Variants in MIA2 observed in about 807,000 individuals in gnomAD.
MIA2 encodes the protein melanoma inhibitory activity protein 2.
In MIA2, 127 loss-of-function variants were observed where a neutral mutation model predicts 167.8. The ratio of observed to expected loss-of-function variants is 0.76; its 90% CI spans 0.66 to 0.88. MIA2 has a LOEUF of 0.88. Among genes scored for constraint, MIA2 ranks in the 40% least tolerant of loss-of-function variants. MIA2 has a pLI of 0.00. For synonymous variants in MIA2, 552 were observed against 541.9 expected, an observed-to-expected ratio of 1.02 and a Z score of -0.26; for missense variants, 1,690 against 1,624.7, an observed-to-expected ratio of 1.04 and a Z score of -0.69.
Position 39,247,148 on chromosome 14 carries a change from G to C in MIA2, c.574G>C (p.Glu192Gln), listed in dbSNP as rs1304964046. The C allele has an allele frequency of 1.2e-6, 2 of 1,613,956 alleles. No individual in the cohort carries two copies. Among genetic ancestry groups the C allele is most frequent in the Non-Finnish European group, 1.7e-6 (2 of 1,180,020 alleles). Residue 192 changes from glutamate (E) to glutamine (Q), a missense_variant, in exon 4 of 29, where the codon GAA (glutamate) becomes CAA (glutamine). By Grantham distance (29) the Glu-to-Gln change is conservative. Coordinates refer to ENST00000640607, the MANE Select transcript of MIA2 (RefSeq NM_001329214.4). ...EAPEDIGSTSESKDWEEVVVE... is the reference protein window; with the variant it reads ...EAPEDIGSTSQSKDWEEVVVE... ...TCCTGAAGATATCGGAAGTACCAGT[G>C]AATCAAAAGACTGGGAAGAAGTAGT...
At chr14:39,341,099 C>G (rs775079128) in intron 25 of MIA2, among the ~76,000 whole-genome samples, 1 of 151,978 alleles carries the variant, frequency 6.6e-6, no homozygotes, top group Non-Finnish European at 1.5e-5. Context: ...GTCAGAAGTT[C>G]AAGACCAACC....
At chr14:39,349,862 A>G (rs1008888416) in intron 28 of MIA2, among the ~76,000 whole-genome samples, 6 of 152,170 alleles carry the variant, frequency 3.9e-5, no homozygotes, top group Non-Finnish European at 7.3e-5. Flanking sequence ...TTTAAAAAAC[A>G]GGTGTTAAGA....
At chr14:39,246,141 A>G (rs565569183) in intron 3 of MIA2, among the ~76,000 whole-genome samples, 1 of 144,478 alleles carries the variant, frequency 6.9e-6, no homozygotes, top group African/African-American at 2.6e-5. Flanking sequence ...CTGTCACCCA[A>G]GCTGAAATGC....
At chr14:39,323,512 T>A (rs1415752326) in intron 24 of MIA2, among the ~76,000 whole-genome samples, 1 of 151,714 alleles carries the variant, frequency 6.6e-6, no homozygotes, top group South Asian at 2.1e-4. Flanking sequence ...CATGTCATAT[T>A]GTACACTAAC....
At chr14:39,322,141 G>A (rs906209889) in intron 24 of MIA2, among the ~76,000 whole-genome samples, 5 of 152,094 alleles carry the variant, frequency 3.3e-5, no homozygotes, top group Admixed American at 2.0e-4. Context: ...TCTTTTTATT[G>A]TAGAAAATTA....
chr14:39,268,698 A>T (rs2056515891), intron 6 of MIA2, among the ~76,000 whole-genome samples: 1 of 152,212 alleles, frequency 6.6e-6, no homozygotes, highest in Non-Finnish European at 1.5e-5. Context: ...TAGCATGTAG[A>T]TTAGATGTTA....
chr14:39,379,649 C>T (rs1209539966), intron 23 of MIA2, among the ~76,000 whole-genome samples: 5 of 151,914 alleles, frequency 3.3e-5, no homozygotes, highest in Admixed American at 6.6e-5. Flanking sequence ...GTCAGGAGTT[C>T]GAGACCAGTC....
intron 6 of MIA2, among the ~76,000 whole-genome samples, chr14:39,255,282 C>G (rs1191867344): frequency 6.6e-6 from 1 of 152,052 alleles, no homozygotes; most frequent in Non-Finnish European, 1.5e-5. Context: ...CCAAAGTGGG[C>G]CGATCAGTTG....
intron 23 of MIA2, among the ~76,000 whole-genome samples, chr14:39,377,113 T>C (rs1041701726): frequency 6.6e-6 from 1 of 152,202 alleles, no homozygotes; most frequent in Non-Finnish European, 1.5e-5. Context: ...TCTTGGGTTT[T>C]GTCTGATCTT....
chr14:39,387,156 C>G, exon 24 of MIA2: 1 of 516,770 alleles, frequency 1.9e-6, no homozygotes, highest in Non-Finnish European at 3.4e-6. Flanking sequence ...TTAAGGAATA[C>G]ATTTTATAAG....
intron 25 of MIA2, among the ~76,000 whole-genome samples, chr14:39,341,968 A>G (rs2071975552): frequency 6.6e-6 from 1 of 152,064 alleles, no homozygotes; most frequent in South Asian, 2.1e-4. Context: ...TGAAGAAACA[A>G]AACCACAGAA....
chr14:39,379,731 A>C (rs2075116088), intron 23 of MIA2, among the ~76,000 whole-genome samples: 1 of 152,138 alleles, frequency 6.6e-6, no homozygotes, highest in Non-Finnish European at 1.5e-5. Context: ...GCGCACCTGT[A>C]ATCCCAGTTA....
At position 39,273,806 on chromosome 14, in the gene MIA2, T is replaced by G. The variant is rs137956858; in HGVS notation, c.1888-3128T>G. 3.0e-3 allele frequency among the ~76,000 whole-genome samples: 450 copies of G among 152,336 alleles called. 3 individuals are homozygous for G. Among genetic ancestry groups the G allele is most frequent in the African/African-American group, 9.9e-3 (413 of 41,582 alleles). On this transcript the variant is annotated intron_variant, in intron 6 of 28. Coordinates refer to ENST00000640607, the MANE Select transcript of MIA2 (RefSeq NM_001329214.4). Reference sequence around the variant, plus strand: ...TGTGTGATTTTCTTTTCTTGTGTGATGTATTTGTCTGGCTTTTAGGGTAAA... The same window carrying G: ...TGTGTGATTTTCTTTTCTTGTGTGAGGTATTTGTCTGGCTTTTAGGGTAAA...
rs762393585 is a variant in MIA2, at chr14:39,293,955, A to T, written c.2320-45A>T. 2.0e-6 allele frequency: 3 copies of T among 1,471,496 alleles called. No individual in the cohort carries two copies. In the Admixed American group the frequency reaches 5.3e-5, roughly 26 times the overall value. The allele number at this position is 1,471,496 out of a possible 1,614,324, so 91.2% of individuals were successfully genotyped here. A position where few individuals can be genotyped will look rare whatever the true frequency, so the allele number is the denominator to read the frequency against. ...TATCTAATAAACATGGCATTTTGGA[A>T]ACTAGAGTTTAGTAAATATTAATTG... On this transcript the variant is annotated intron_variant, in intron 11 of 28. Transcript: ENST00000640607.
intron 7 of MIA2, 81 bp from the exon 8 acceptor site, chr14:39,279,256 G>T: frequency 8.6e-7 from 1 of 1,169,332 alleles, no homozygotes; most frequent in Non-Finnish European, 1.2e-6. Context: ...GTATTTCTAA[G>T]TTGGCAGTAG....
At chr14:39,310,105 C>A (rs542226665) in intron 18 of MIA2, among the ~76,000 whole-genome samples, 23 of 152,206 alleles carry the variant, frequency 1.5e-4, no homozygotes, top group Middle Eastern at 3.4e-3. Flanking sequence ...CAGATCAGTA[C>A]ATGCAAAGCT....
chr14:39,262,966 G>A (rs61998549), intron 6 of MIA2, among the ~76,000 whole-genome samples: 30,262 of 152,034 alleles, frequency 0.2, 3,005 homozygotes, highest in Middle Eastern at 0.28. Context: ...TGCAAACAGG[G>A]GCAATTTGAC....
chr14:39,269,069 G>A, intron 6 of MIA2: 20 of 372,260 alleles, frequency 5.4e-5, no homozygotes, highest in Non-Finnish European at 6.7e-5. Context: ...ATCTTCACCT[G>A]CACAGTTTTT....
intron 9 of MIA2, among the ~76,000 whole-genome samples, chr14:39,287,531 T>A (rs2059990490): frequency 6.6e-6 from 1 of 151,586 alleles, no homozygotes; most frequent in African/African-American, 2.4e-5. Flanking sequence ...TTTCTTTTTA[T>A]TTTTTTTCAT....
Sources: allele counts gnomAD v4.1 joint callset (sites outside exome capture counted in the v4.1 genomes callset), GRCh38; gene constraint gnomAD v4.1.1; transcripts MANE v1.5; gene names NCBI Gene and HGNC (gene_info 2026-07-23, HGNC 2026-07-21).